Variants in PIAS1 observed in about 807,000 individuals in gnomAD.
PIAS1 encodes E3 SUMO-protein ligase PIAS1.
A neutral mutation model predicts 71.3 loss-of-function variants in PIAS1; 6 were observed. The observed-to-expected ratio is 0.08, with a 90% CI of 0.05 to 0.17. The LOEUF (loss-of-function observed/expected upper bound fraction) is 0.17. Among genes scored for constraint, PIAS1 ranks in the 10% least tolerant of loss-of-function variants. The pLI is 1.00. For synonymous variants in PIAS1, 303 were observed against 292.9 expected, an observed-to-expected ratio of 1.03 and a Z score of -0.35; for missense variants, 555 against 793.6, an observed-to-expected ratio of 0.70 and a Z score of 3.61.
intron 6 of PIAS1, among the ~76,000 whole-genome samples, chr15:68,150,146 C>T (rs1227916128): frequency 6.6e-6 from 1 of 151,766 alleles, no homozygotes; most frequent in Admixed American, 6.6e-5. Context: ...TTCTAGTGTA[C>T]CTTGGAGTTC....
intron 2 of PIAS1, among the ~76,000 whole-genome samples, chr15:68,131,993 A>G (rs925190460): frequency 6.8e-6 from 1 of 147,054 alleles, no homozygotes; most frequent in Non-Finnish European, 1.5e-5. Flanking sequence ...GTCTGAGTTC[A>G]GGAGTTTGAG....
At position 68,174,852 on chromosome 15, in the gene PIAS1, A is replaced by C. The variant is rs1238086366; in HGVS notation, c.1170-785A>C. ...CATGGGAAACAAACAAACAAACAAC[A>C]TGTAACTTAAATGTTTTATGTTTAA... On this transcript the variant is annotated intron_variant, in intron 9 of 13. Coordinates refer to ENST00000249636, the MANE Select transcript of PIAS1 (RefSeq NM_016166.3). The surrounding 1 kb of genome is among the most constrained non-coding windows in gnomAD (Gnocchi z 4.0). 6.6e-6 allele frequency among the ~76,000 whole-genome samples: 1 copy of C among 152,202 alleles called. No homozygotes were observed. Among genetic ancestry groups the C allele is most frequent in the East Asian group, 1.9e-4 (1 of 5,206 alleles).
intron 1 of PIAS1, among the ~76,000 whole-genome samples, chr15:68,066,805 G>C (rs2140960166): frequency 6.6e-6 from 1 of 151,792 alleles, no homozygotes; most frequent in African/African-American, 2.4e-5. Context: ...TAAAAAAAAA[G>C]TATAGTATTT....
At chr15:68,156,780 G>A (rs1448795753) in intron 7 of PIAS1, among the ~76,000 whole-genome samples, 1 of 151,080 alleles carries the variant, frequency 6.6e-6, no homozygotes, top group Non-Finnish European at 1.5e-5. Context: ...AGTTGGACAG[G>A]TATAAGTTGA....
chr15:68,096,205 G>A (rs2092374174), intron 2 of PIAS1, among the ~76,000 whole-genome samples: 1 of 152,054 alleles, frequency 6.6e-6, no homozygotes, highest in South Asian at 2.1e-4. Context: ...CCATTGTGTG[G>A]TTTTGACAGC....
Position 68,183,511 on chromosome 15 carries a change from T to G in PIAS1, c.1625-119T>G, listed in dbSNP as rs74020066. On this transcript the variant is annotated intron_variant, in intron 12 of 13. Coordinates refer to ENST00000249636, the MANE Select transcript of PIAS1 (RefSeq NM_016166.3). ...AACGTTTAGCTCAACTCTTCATGTT[T>G]AAATAAAATTCTGAGTGACATAGCA... 9.4e-3 allele frequency: 5,564 copies of G among 589,386 alleles called. 233 individuals are homozygous for G. The highest frequency in any genetic ancestry group is 0.092 in the African/African-American group (4,871 of 52,696). The allele number at this position is 589,386 out of a possible 1,614,324, so 36.5% of individuals were successfully genotyped here.
rs564940546 is a variant in PIAS1, at chr15:68,192,354, G to T, written c.*4519G>T. 2.0e-5 allele frequency: 3 copies of T among 152,220 alleles called. No homozygotes were observed. Among genetic ancestry groups the T allele is most frequent in the Non-Finnish European group, 4.4e-5 (3 of 68,082 alleles). The allele number at this position is 152,220 out of a possible 1,614,324, so 9.4% of individuals were successfully genotyped here. A position where few individuals can be genotyped will look rare whatever the true frequency, so the allele number is the denominator to read the frequency against. On this transcript the variant is annotated 3_prime_UTR_variant, in exon 14 of 14. Coordinates refer to ENST00000249636, the MANE Select transcript of PIAS1 (RefSeq NM_016166.3). Reference sequence around the variant, plus strand: ...TTCACTTGTTCTGGTCCTAGGAGCAGCCCCAGAAATTCTGCATTTCTGTTT... The same window carrying T: ...TTCACTTGTTCTGGTCCTAGGAGCATCCCCAGAAATTCTGCATTTCTGTTT...
At chr15:68,170,184 T>A (rs988921119) in intron 8 of PIAS1, among the ~76,000 whole-genome samples, 13 of 152,142 alleles carry the variant, frequency 8.5e-5, no homozygotes, top group African/African-American at 3.1e-4. Context: ...TAACAATCAG[T>A]TTTGCATGCC....
chr15:68,173,726 T>G lies in PIAS1; in HGVS notation c.1009-6T>G. ...TCTAATATTTACTTTTTCTCCCTTT[T>G]TAAAGCTTGGTAAAATGCGGCTGAC... On this transcript the variant is annotated splice_region_variant and splice_polypyrimidine_tract_variant and intron_variant, in intron 8 of 13. Coordinates refer to ENST00000249636, the MANE Select transcript of PIAS1 (RefSeq NM_016166.3). This position sits in a 1 kb window ranked among gnomAD's most constrained non-coding sequence, Gnocchi z 4.3. 6.6e-7 allele frequency: 1 copy of G among 1,517,016 alleles called. No individual in the cohort carries two copies. The highest frequency in any genetic ancestry group is 8.9e-7 in the Non-Finnish European group (1 of 1,122,738). The allele number at this position is 1,517,016 out of a possible 1,614,324, so 94.0% of individuals were successfully genotyped here. A position where few individuals can be genotyped will look rare whatever the true frequency, so the allele number is the denominator to read the frequency against.
chr15:68,187,212 G>C lies in PIAS1; in HGVS notation c.1663-330G>C, dbSNP rs2093093668. Among the ~76,000 whole-genome samples, 1 of 152,192 alleles carries C rather than the reference G, an allele frequency of 6.6e-6. No homozygotes were observed. Among genetic ancestry groups the C allele is most frequent in the African/African-American group, 2.4e-5 (1 of 41,438 alleles). On this transcript the variant is annotated intron_variant, in intron 13 of 13. Coordinates refer to ENST00000249636, the MANE Select transcript of PIAS1 (RefSeq NM_016166.3). The surrounding 1 kb of genome is among the most constrained non-coding windows in gnomAD (Gnocchi z 5.3). ...TGGCTAAGTATCTCCTTACTAGCAA[G>C]AGCATGGACTGTCTGCCCCTCCTGC...
chr15:68,180,897 A>T (rs1169657024), intron 11 of PIAS1, among the ~76,000 whole-genome samples: 2 of 152,206 alleles, frequency 1.3e-5, no homozygotes, highest in Non-Finnish European at 2.9e-5. Flanking sequence ...ATATCCCGTT[A>T]AAGTGGCTCA....
At chr15:68,101,563 G>A (rs2092427085) in intron 2 of PIAS1, among the ~76,000 whole-genome samples, 1 of 151,980 alleles carries the variant, frequency 6.6e-6, no homozygotes, top group African/African-American at 2.4e-5. Flanking sequence ...CAAATTCCTG[G>A]GCTCGAGCAG....
At chr15:68,097,026 A>G (rs796481303) in intron 2 of PIAS1, among the ~76,000 whole-genome samples, 8 of 152,228 alleles carry the variant, frequency 5.3e-5, no homozygotes, top group African/African-American at 1.9e-4. Context: ...ATTGAATGTG[A>G]TGTTAGTGGT....
chr15:68,134,505 T>A lies in PIAS1; in HGVS notation c.470-7441T>A, dbSNP rs1305585891. On this transcript the variant is annotated intron_variant, in intron 2 of 13. Transcript: ENST00000249636. ...CGGGCGGGGGGCTGACCCCCCCCAC[T>A]GCCCTCCCGGACGGGGCGGCTGGCC... Among the ~76,000 whole-genome samples, 12 of 36,718 alleles carry A rather than the reference T, an allele frequency of 3.3e-4. 3 individuals carry two copies. Among genetic ancestry groups the A allele is most frequent in the African/African-American group, 6.9e-4 (12 of 17,422 alleles). 24.1% of individuals were successfully genotyped at this position (36,718 alleles called of 152,430 possible).
intron 9 of PIAS1, among the ~76,000 whole-genome samples, chr15:68,175,128 T>C (rs1031532123): frequency 1.3e-5 from 2 of 152,220 alleles, no homozygotes; most frequent in African/African-American, 4.8e-5. Flanking sequence ...TTTGGTTTCA[T>C]TTAACATTAT....
At chr15:68,146,472 T>C in intron 5 of PIAS1, 94 bp from the exon 6 acceptor site, 1 of 792,888 alleles carries the variant, frequency 1.3e-6, no homozygotes, top group Non-Finnish European at 2.0e-6. Context: ...TCATATTTTC[T>C]AGTATGCAGT....
At position 68,185,980 on chromosome 15, in the gene PIAS1, CAAAA is replaced by C. The variant is rs1555435061; in HGVS notation, c.1663-1557_1663-1554del. ...GACTCCATCTCAAAAACAAAACAAA[CAAAA>C]AAAACATGGGCCCTAACAATGAAAG... On this transcript the variant is annotated intron_variant, in intron 13 of 13. Coordinates refer to ENST00000249636, the MANE Select transcript of PIAS1 (RefSeq NM_016166.3). This position sits in a 1 kb window ranked among gnomAD's most constrained non-coding sequence, Gnocchi z 4.4. Among the ~76,000 whole-genome samples the C allele has an allele frequency of 6.7e-6, 1 of 148,604 alleles. No homozygotes were observed. Among genetic ancestry groups the C allele is most frequent in the African/African-American group, 2.5e-5 (1 of 40,224 alleles).
intron 4 of PIAS1, among the ~76,000 whole-genome samples, 192 bp downstream of exon 4, chr15:68,142,529 G>A (rs538279833): frequency 1.2e-4 from 18 of 152,194 alleles, no homozygotes; most frequent in African/African-American, 3.1e-4. Flanking sequence ...TTTTCAATAA[G>A]TGTATTGAAA....
intron 2 of PIAS1, among the ~76,000 whole-genome samples, chr15:68,105,595 C>T (rs1365853656): frequency 6.6e-6 from 1 of 152,126 alleles, no homozygotes; most frequent in Non-Finnish European, 1.5e-5. Context: ...TTTCACTTTG[C>T]TTTCCAATCT....
Sources: gnomAD v4.1 joint callset for allele counts (sites outside exome capture counted in the v4.1 genomes callset) on GRCh38, gnomAD v4.1.1 for gene constraint, Gnocchi (gnomAD v3.1) non-coding constraint, MANE v1.5 for transcripts, NCBI Gene and HGNC (gene_info 2026-07-23, HGNC 2026-07-21) for gene names.